Variants in ABCD2 observed in about 807,000 individuals in gnomAD.
ABCD2 encodes the protein ATP-binding cassette sub-family D member 2.
A neutral mutation model predicts 70.9 loss-of-function variants in ABCD2; 36 were observed. The observed-to-expected ratio is 0.51, with a 90% CI of 0.39 to 0.67. The LOEUF (loss-of-function observed/expected upper bound fraction) is 0.67. Among genes scored for constraint, ABCD2 ranks in the 30% least tolerant of loss-of-function variants. The pLI is 0.00. For missense variants in ABCD2, 729 were observed against 890.2 expected (o/e 0.82, Z 2.30); for synonymous variants, 304 against 306.9 (o/e 0.99, Z 0.10).
At chr12:39,534,485 T>C in the ABCD2 span, among the ~76,000 whole-genome samples, 1 of 151,946 alleles carries the variant, frequency 6.6e-6, no homozygotes, top group Non-Finnish European at 1.5e-5. Flanking sequence ...AGAAAATATG[T>C]GAAAAGCTCC....
rs150039120 is a variant in ABCD2, at chr12:39,556,302, C to T, written c.2004-2171G>A. Among the ~76,000 whole-genome samples, 108 of 152,086 alleles carry T rather than the reference C, an allele frequency of 7.1e-4. No homozygotes were observed. The East Asian group carries it at 0.015, about 21-fold the overall frequency. ...ATGAATAATATGGTTTTTCTGCATCCCCACCCAAAATCTCATTTTGAATTG... is the reference window on the plus strand; with the variant it reads ...ATGAATAATATGGTTTTTCTGCATCTCCACCCAAAATCTCATTTTGAATTG... On this transcript the variant is annotated intron_variant, in intron 9 of 9. Coordinates refer to ENST00000308666, the MANE Select transcript of ABCD2 (RefSeq NM_005164.4).
rs944849827 is a variant in ABCD2 at position 39,551,658 on chromosome 12, T to A, written c.*2254A>T. 5.3e-5 allele frequency: 8 copies of A among 151,764 alleles called. No individual in the cohort carries two copies. In the South Asian group the frequency reaches 1.7e-3, roughly 31 times the overall value. 9.4% of individuals were successfully genotyped at this position (151,764 alleles called of 1,614,324 possible). A position where few individuals can be genotyped will look rare whatever the true frequency, so the allele number is the denominator to read the frequency against. Reference sequence around the variant, plus strand: ...GAACTTTAACATTTAAATTACAGTGTACATAGTTTTTAATACAGAATTTTA... The same window carrying A: ...GAACTTTAACATTTAAATTACAGTGAACATAGTTTTTAATACAGAATTTTA... On this transcript the variant is annotated 3_prime_UTR_variant, in exon 10 of 10. Coordinates refer to ENST00000308666, the MANE Select transcript of ABCD2 (RefSeq NM_005164.4).
chr12:39,551,563 T>C lies in ABCD2; in HGVS notation c.*2349A>G, dbSNP rs886365792. 6.6e-6 allele frequency: 1 copy of C among 151,790 alleles called. No individual in the cohort carries two copies. The highest frequency in any genetic ancestry group is 1.5e-5 in the Non-Finnish European group (1 of 67,716). The allele number at this position is 151,790 out of a possible 1,614,324, so 9.4% of individuals were successfully genotyped here. ...GATGTTTTCCCTTCCAAGTTAAGGATGTTGGTCCTGAAAAATAAATTCAGA... is the reference window on the plus strand; with the variant it reads ...GATGTTTTCCCTTCCAAGTTAAGGACGTTGGTCCTGAAAAATAAATTCAGA... On this transcript the variant is annotated 3_prime_UTR_variant, in exon 10 of 10. Coordinates refer to ENST00000308666, the MANE Select transcript of ABCD2 (RefSeq NM_005164.4).
At chr12:39,559,758 A>G (rs1013868458) in intron 9 of ABCD2, among the ~76,000 whole-genome samples, 2 of 152,216 alleles carry the variant, frequency 1.3e-5, no homozygotes, top group East Asian at 3.8e-4. Flanking sequence ...CCTTTCAGCC[A>G]AGAATTCTGT....
At chr12:39,534,134 T>C in the ABCD2 span, among the ~76,000 whole-genome samples, 76 of 152,220 alleles carry the variant, frequency 5.0e-4, no homozygotes, top group African/African-American at 1.8e-3. Flanking sequence ...TTACTTCCAG[T>C]TTCACAAGAA....
At chr12:39,562,157 A>G (rs1941269322) in intron 9 of ABCD2, among the ~76,000 whole-genome samples, 1 of 152,150 alleles carries the variant, frequency 6.6e-6, no homozygotes, top group Non-Finnish European at 1.5e-5. Context: ...AAATGGAAAC[A>G]CAACATACCA....
At chr12:39,609,053 T>G (rs985150378) in intron 2 of ABCD2, among the ~76,000 whole-genome samples, 2 of 152,240 alleles carry the variant, frequency 1.3e-5, no homozygotes, top group African/African-American at 4.8e-5. Flanking sequence ...AATCCTTGTC[T>G]CTTTCAGTGG....
intron 6 of ABCD2, among the ~76,000 whole-genome samples, chr12:39,587,613 C>T (rs1332753492): frequency 6.6e-6 from 1 of 152,102 alleles, no homozygotes; most frequent in Non-Finnish European, 1.5e-5. Context: ...AAACCTGAAA[C>T]TAGTGAAGTT....
rs1270449597 is a variant in ABCD2, at chr12:39,579,540, A to G, written c.1872T>C (p.Tyr624=). 4 of 1,611,972 alleles carry G rather than the reference A, an allele frequency of 2.5e-6. No homozygotes were observed. The highest frequency in any genetic ancestry group is 3.4e-6 in the Non-Finnish European group (4 of 1,178,462). The change falls in exon 8 of 10, where the codon TAT becomes TAC. Residue 624 remains tyrosine, a synonymous_variant. Coordinates refer to ENST00000308666, the MANE Select transcript of ABCD2 (RefSeq NM_005164.4). ...CCTGAATTTAGTATACTTACTTATG[A>G]TAAAACATACGAGCCATGCCCATTC... ...KQRMGMARMF[Y]HKPKYALLDE...
At chr12:39,554,979 G>A (rs1941140333) in intron 9 of ABCD2, among the ~76,000 whole-genome samples, 2 of 147,120 alleles carry the variant, frequency 1.4e-5, no homozygotes, top group African/African-American at 4.9e-5. Flanking sequence ...GATCTGGTCT[G>A]TCATTGTTAA....
At position 39,615,223 on chromosome 12, in the gene ABCD2, T is replaced by G. The variant is rs1170884241; in HGVS notation, c.1120+1765A>C. ...CCAGGGTTTTTTAATAACACCAGTG[T>G]GTCCAAGCACTGACTAACAAAACTA... On this transcript the variant is annotated intron_variant, in intron 2 of 9. Coordinates refer to ENST00000308666, the MANE Select transcript of ABCD2 (RefSeq NM_005164.4). Among the ~76,000 whole-genome samples, 3 of 152,004 alleles carry G rather than the reference T, an allele frequency of 2.0e-5. No individual in the cohort carries two copies. In the East Asian group the frequency reaches 5.8e-4, roughly 29 times the overall value.
At chr12:39,548,078 G>A (rs1028889027), downstream of ABCD2, among the ~76,000 whole-genome samples, 1 of 151,968 alleles carries the variant, frequency 6.6e-6, no homozygotes, top group Non-Finnish European at 1.5e-5. Flanking sequence ...ATCTTTTCCT[G>A]GGCTAGAGAT....
At chr12:39,588,994 T>C (rs1197989512) in intron 6 of ABCD2, among the ~76,000 whole-genome samples, 4 of 152,168 alleles carry the variant, frequency 2.6e-5, no homozygotes, top group African/African-American at 9.7e-5. Flanking sequence ...AATGTCAGAT[T>C]TCCTGAATTT....
At chr12:39,567,513 C>T (rs1445186098) in intron 9 of ABCD2, among the ~76,000 whole-genome samples, 1 of 152,174 alleles carries the variant, frequency 6.6e-6, no homozygotes, top group East Asian at 1.9e-4. Context: ...TTATTTTGAG[C>T]CTATGTGTGT....
chr12:39,603,236 C>T (rs1333757126), intron 5 of ABCD2, among the ~76,000 whole-genome samples: 1 of 152,050 alleles, frequency 6.6e-6, no homozygotes, highest in African/African-American at 2.4e-5. Flanking sequence ...TTTGTTTGAA[C>T]TAAGCTCAAC....
At position 39,604,755 on chromosome 12, in the gene ABCD2, T is replaced by A; in HGVS notation, c.1405+7A>T. The A allele has an allele frequency of 6.4e-7, 1 of 1,574,696 alleles. No individual in the cohort carries two copies. Among genetic ancestry groups the A allele is most frequent in the Non-Finnish European group, 8.6e-7 (1 of 1,165,370 alleles). On this transcript the variant is annotated splice_region_variant and intron_variant, in intron 4 of 9. Coordinates refer to ENST00000308666, the MANE Select transcript of ABCD2 (RefSeq NM_005164.4). ...TAGGAAAATATAAAAGCACTTGAGT[T>A]TAATACCTTTAATTGCCAATGTGTC...
At chr12:39,566,592 A>C (rs1397628272) in intron 9 of ABCD2, among the ~76,000 whole-genome samples, 3 of 152,040 alleles carry the variant, frequency 2.0e-5, no homozygotes, top group Admixed American at 6.5e-5. Context: ...TCCTGGATTC[A>C]TTGATTTTTT....
At chr12:39,576,428 G>A (rs1484911137) in intron 8 of ABCD2, among the ~76,000 whole-genome samples, 3 of 152,094 alleles carry the variant, frequency 2.0e-5, no homozygotes, top group African/African-American at 7.2e-5. Context: ...CGAAGTGCTG[G>A]GATTATAGGC....
chr12:39,602,705 T>C (rs1387740547), intron 5 of ABCD2, among the ~76,000 whole-genome samples: 3 of 152,198 alleles, frequency 2.0e-5, no homozygotes, highest in Non-Finnish European at 4.4e-5. Flanking sequence ...TAGTTTAGTT[T>C]ATTCTATGTA....
Sources: gnomAD v4.1 joint callset for allele counts (sites outside exome capture counted in the v4.1 genomes callset) on GRCh38, gnomAD v4.1.1 for gene constraint, MANE v1.5 for transcripts, NCBI Gene and HGNC (gene_info 2026-07-23, HGNC 2026-07-21) for gene names.